SOAT1: variants seen among roughly 807,000 people sequenced by gnomAD.
SOAT1 encodes the protein sterol O-acyltransferase 1, also known as acyl-coenzyme A:cholesterol acyltransferase 1.
Under a neutral mutation model 69.5 loss-of-function variants are expected in SOAT1, and 55 were observed. That is an observed-to-expected ratio of 0.79 (90% CI 0.64 to 0.99). SOAT1 has a LOEUF of 0.99. Among genes scored for constraint, SOAT1 ranks in the 50% least tolerant of loss-of-function variants. The pLI, the probability that SOAT1 is intolerant of heterozygous loss-of-function variation, is 0.00. For missense variants in SOAT1, 580 were observed against 669.3 expected, an observed-to-expected ratio of 0.87 and a Z score of 1.47; for synonymous variants, 231 against 224.7, an observed-to-expected ratio of 1.03 and a Z score of -0.25.
chr1:179,353,811 A>C lies in SOAT1; in HGVS notation c.*170A>C. The C allele has an allele frequency of 1.6e-6, 1 of 636,936 alleles. No homozygotes were observed. Among genetic ancestry groups the C allele is most frequent in the Non-Finnish European group, 2.8e-6 (1 of 360,630 alleles). 39.5% of individuals were successfully genotyped at this position (636,936 alleles called of 1,614,324 possible). A position where few individuals can be genotyped will look rare whatever the true frequency, so the allele number is the denominator to read the frequency against. ...CTTGAAGCCAAACTGTTGGAAGTTC[A>C]CTGGAGTCTTGTACACTTAAGCAGA... On this transcript the variant is annotated 3_prime_UTR_variant, in exon 16 of 16. Coordinates refer to ENST00000367619, the MANE Select transcript of SOAT1 (RefSeq NM_003101.6).
rs1458823797 is a variant in SOAT1, at chr1:179,341,305, G to T, written c.775G>T (p.Glu259Ter). 1 of 1,613,778 alleles carries T rather than the reference G, an allele frequency of 6.2e-7. No individual in the cohort carries two copies. The highest frequency in any genetic ancestry group is 2.2e-5 in the East Asian group (1 of 44,878). The change falls in exon 7 of 16, where the codon GAG (glutamate) becomes TAG (stop). Residue 259 changes from glutamate to a stop codon, truncating the protein, a stop_gained. Coordinates refer to ENST00000367619, the MANE Select transcript of SOAT1 (RefSeq NM_003101.6). LOFTEE classifies it high-confidence loss of function. ...PPASRFIIIFEQIRFVMKAHS... is the reference protein window; with the variant it reads ...PPASRFIIIF ...AGCTTCCCGGTTCATCATTATATTC[G>T]AGCAGGTAAGGTTTTAAGTGTTACC...
At chr1:179,345,147 C>A in intron 11 of SOAT1, 71 bp downstream of exon 11, 1 of 1,520,702 alleles carries the variant, frequency 6.6e-7, no homozygotes, top group Non-Finnish European at 9.1e-7. Flanking sequence ...TGCCTATGAG[C>A]ACCTTTGCTT....
At chr1:179,353,538 A>G (rs1558061952) in intron 15 of SOAT1, 47 bp from the exon 16 acceptor site, 7 of 1,527,484 alleles carry the variant, frequency 4.6e-6, no homozygotes, top group Admixed American at 1.7e-5. Flanking sequence ...CACCTCCTCT[A>G]CTCTGTACAC....
At chr1:179,297,122 A>G (rs1664675924) in intron 1 of SOAT1, among the ~76,000 whole-genome samples, 1 of 152,168 alleles carries the variant, frequency 6.6e-6, no homozygotes, top group African/African-American at 2.4e-5. Context: ...TGCTACACCT[A>G]CTGCACTCAG....
intron 2 of SOAT1, among the ~76,000 whole-genome samples, chr1:179,313,554 A>G (rs968194436): frequency 7.6e-4 from 114 of 150,938 alleles, no homozygotes; most frequent in Non-Finnish European, 1.2e-3. Flanking sequence ...ATATATGTGT[A>G]TATATATATG....
At chr1:179,324,867 A>ATC (rs1279614598) in intron 3 of SOAT1, among the ~76,000 whole-genome samples, 1 of 152,162 alleles carries the variant, frequency 6.6e-6, no homozygotes, top group African/African-American at 2.4e-5. Flanking sequence ...CAGTGGCACG[A>ATC]TCTCGGCTCA....
chr1:179,353,494 C>A, intron 15 of SOAT1, 91 bp from the exon 16 acceptor site: 2 of 1,099,726 alleles, frequency 1.8e-6, no homozygotes, highest in Non-Finnish European at 2.8e-6. Flanking sequence ...TAGAGATGTA[C>A]AATGTATCAT....
chr1:179,318,749 G>A (rs1219601008), intron 2 of SOAT1, among the ~76,000 whole-genome samples: 1 of 151,906 alleles, frequency 6.6e-6, no homozygotes, highest in Non-Finnish European at 1.5e-5. Flanking sequence ...CTTTTCACTT[G>A]GCAAAATGTT....
intron 2 of SOAT1, among the ~76,000 whole-genome samples, chr1:179,308,491 A>T (rs112898519): frequency 6.6e-6 from 1 of 151,786 alleles, no homozygotes; most frequent in South Asian, 2.1e-4. Context: ...GACCAACATG[A>T]TAAAACCCTG....
At chr1:179,344,872 C>A (rs909217490) in intron 10 of SOAT1, 75 bp from the exon 11 acceptor site, 23 of 1,447,210 alleles carry the variant, frequency 1.6e-5, no homozygotes, top group Non-Finnish European at 1.6e-5. Context: ...TCTGTACTTT[C>A]TTTTGGAGAG....
chr1:179,345,540 T>A (rs1045720152), intron 11 of SOAT1, among the ~76,000 whole-genome samples: 3 of 152,130 alleles, frequency 2.0e-5, no homozygotes, highest in African/African-American at 7.2e-5. Flanking sequence ...ACCACATTTT[T>A]AAATCTCTCT....
At chr1:179,346,992 G>T (rs186478464) in intron 11 of SOAT1, among the ~76,000 whole-genome samples, 54 of 152,222 alleles carry the variant, frequency 3.5e-4, no homozygotes, top group Admixed American at 7.2e-4. Flanking sequence ...TGTTTAAGAG[G>T]GGGGTATGGG....
At chr1:179,348,785 T>A (rs879034753) in intron 12 of SOAT1, 59 bp from the exon 13 acceptor site, 32 of 159,802 alleles carry the variant, frequency 2.0e-4, no homozygotes, top group African/African-American at 1.5e-3. Flanking sequence ...TGTGTGTGTG[T>A]GTGTGTGTGT....
intron 2 of SOAT1, among the ~76,000 whole-genome samples, chr1:179,308,888 A>T (rs548111283): frequency 6.6e-6 from 1 of 152,076 alleles, no homozygotes; most frequent in Non-Finnish European, 1.5e-5. Context: ...TAAGTCTCAG[A>T]TATCTTTTCA....
chr1:179,325,613 C>T (rs1171075892), intron 3 of SOAT1, among the ~76,000 whole-genome samples: 1 of 152,076 alleles, frequency 6.6e-6, no homozygotes, highest in African/African-American at 2.4e-5. Context: ...ATATTATGTT[C>T]TATTTGTGAG....
At chr1:179,325,071 G>T (rs951464263) in intron 3 of SOAT1, among the ~76,000 whole-genome samples, 2 of 151,384 alleles carry the variant, frequency 1.3e-5, no homozygotes, top group African/African-American at 4.8e-5. Context: ...AAAGTGCTGG[G>T]ATTACAGGCT....
intron 1 of SOAT1, among the ~76,000 whole-genome samples, chr1:179,296,933 C>A (rs572434082): frequency 2.1e-4 from 32 of 152,122 alleles, no homozygotes; most frequent in Non-Finnish European, 2.9e-5. Context: ...TATGTAATTG[C>A]GTGCACAGAT....
intron 2 of SOAT1, among the ~76,000 whole-genome samples, chr1:179,317,261 CG>C (rs1665425419): frequency 6.6e-6 from 1 of 152,124 alleles, no homozygotes; most frequent in Admixed American, 6.6e-5. Context: ...TGGCCTGGCG[CG>C]GTGGCTCACG....
chr1:179,316,968 C>G (rs918941999), intron 2 of SOAT1, among the ~76,000 whole-genome samples: 2 of 151,688 alleles, frequency 1.3e-5, no homozygotes, highest in African/African-American at 4.8e-5. Flanking sequence ...TATGTAATGA[C>G]AGAGAAAAAT....
Sources: gnomAD v4.1 joint callset for allele counts (sites outside exome capture counted in the v4.1 genomes callset) on GRCh38, gnomAD v4.1.1 for gene constraint, MANE v1.5 for transcripts, NCBI Gene and HGNC (gene_info 2026-07-23, HGNC 2026-07-21) for gene names.